Variants in PLIN4 observed in about 807,000 individuals in gnomAD.
PLIN4 encodes perilipin-4.
PLIN4 carries 57 observed loss-of-function variants against 52.4 expected under a neutral mutation model. The ratio of observed to expected loss-of-function variants is 1.09; its 90% confidence interval spans 0.88 to 1.36. The LOEUF (loss-of-function observed/expected upper bound fraction) is 1.36, where lower values mean the gene tolerates loss of function less well. PLIN4 is among the 40% of genes most tolerant of loss of function. PLIN4 has a pLI of 0.00. For synonymous variants in PLIN4, 826 were observed against 785.4 expected, an observed-to-expected ratio of 1.05 and a Z score of -0.86; for missense variants, 1,757 against 1,770.3, an observed-to-expected ratio of 0.99 and a Z score of 0.13.
rs1976303093 is a variant in PLIN4, at chr19:4,511,158, TCCA to T, written c.2799_2801del (p.Ser933_Gly934delinsArg). On this transcript the variant is annotated inframe_deletion, in exon 5 of 8. Coordinates refer to ENST00000301286, the MANE Select transcript of PLIN4 (RefSeq NM_001367868.2). ...TGGCCACATTTACGGCACCAGTGAC[TCCA>T]CTGCAGACGGTGTCCTTGGTACCGG... The T allele has an allele frequency of 6.2e-7, 1 of 1,606,286 alleles. No individual in the cohort carries two copies. The highest frequency in any genetic ancestry group is 8.5e-7 in the Non-Finnish European group (1 of 1,176,550).
intron 6 of PLIN4, 103 bp from the exon 7 acceptor site, chr19:4,505,050 G>A (rs1202343776): frequency 2.8e-6 from 3 of 1,083,072 alleles, no homozygotes; most frequent in Admixed American, 4.2e-5. Flanking sequence ...TCACAGTCCT[G>A]GGAGAAAGGC....
chr19:4,509,168 G>A (rs954971966), intron 5 of PLIN4, among the ~76,000 whole-genome samples: 17 of 151,416 alleles, frequency 1.1e-4, no homozygotes, highest in African/African-American at 3.9e-4. Context: ...AAAATTAGCC[G>A]GGCGTGGTGG....
In PLIN4 at chr19:4,502,373, G is replaced by A. The variant is rs919571038; in HGVS notation, c.*2086C>T. On this transcript the variant is annotated 3_prime_UTR_variant, in exon 8 of 8. Coordinates refer to ENST00000301286, the MANE Select transcript of PLIN4 (RefSeq NM_001367868.2). ...TCTGGGCCCAGCCCAACCCTGAAAGGCCAGTGGCAGGAGAGCTGGGCGGGA... is the reference window on the plus strand; with the variant it reads ...TCTGGGCCCAGCCCAACCCTGAAAGACCAGTGGCAGGAGAGCTGGGCGGGA... 4.2e-5 allele frequency: 15 copies of A among 359,310 alleles called. No homozygotes were observed. The highest frequency in any genetic ancestry group is 3.3e-4 in the African/African-American group (15 of 45,926). 22.3% of individuals were successfully genotyped at this position (359,310 alleles called of 1,614,324 possible). A position where few individuals can be genotyped will look rare whatever the true frequency, so the allele number is the denominator to read the frequency against.
At position 4,504,955 on chromosome 19, in the gene PLIN4, G is replaced by A. The variant is rs1415874685; in HGVS notation, c.3703-8C>T. On this transcript the variant is annotated splice_polypyrimidine_tract_variant and splice_region_variant and intron_variant, in intron 6 of 7. Transcript: ENST00000301286. ...CTGCTGGGCCTTTTCAATCTGGAGAGAGAGTACAGTGGGGAAATGATGGCT... is the reference window on the plus strand; with the variant it reads ...CTGCTGGGCCTTTTCAATCTGGAGAAAGAGTACAGTGGGGAAATGATGGCT... 4 of 1,596,996 alleles carry A rather than the reference G, an allele frequency of 2.5e-6. No homozygotes were observed. Among genetic ancestry groups the A allele is most frequent in the Non-Finnish European group, 3.4e-6 (4 of 1,173,542 alleles).
Position 4,508,664 on chromosome 19 carries a change from A to G in PLIN4, c.3702+104T>C, listed in dbSNP as rs1030824035. On this transcript the variant is annotated intron_variant, in intron 6 of 7. Transcript: ENST00000301286. ...CATGACCATTGGTGACGCTGACAGC[A>G]TCATCTCCTAGGTGCTCAGTCAGTA... The G allele has an allele frequency of 1.1e-5, 14 of 1,244,564 alleles. No homozygotes were observed. In the African/African-American group the frequency reaches 1.4e-4, roughly 12 times the overall value. 77.1% of individuals were successfully genotyped at this position (1,244,564 alleles called of 1,614,324 possible).
chr19:4,505,019 C>G, intron 6 of PLIN4, 72 bp from the exon 7 acceptor site: 1 of 1,377,706 alleles, frequency 7.3e-7, no homozygotes, highest in South Asian at 1.2e-5. Flanking sequence ...ACCTCCCCCT[C>G]CCCCAGGGAC....
chr19:4,508,905 C>CCTG lies in PLIN4; in HGVS notation c.3562_3564dup (p.Gln1188dup). ...TCACCTAAACGAACGAAGTAGCTCCCCTGTTCCGCCGACAGCACCTTTGGC... is the reference window on the plus strand; with the variant it reads ...TCACCTAAACGAACGAAGTAGCTCCCCTGCTGTTCCGCCGACAGCACCTTTGGC... On this transcript the variant is annotated inframe_insertion, in exon 6 of 8. Coordinates refer to ENST00000301286, the MANE Select transcript of PLIN4 (RefSeq NM_001367868.2). The CCTG allele has an allele frequency of 6.2e-7, 1 of 1,613,068 alleles. No individual in the cohort carries two copies. Among genetic ancestry groups the CCTG allele is most frequent in the Non-Finnish European group, 8.5e-7 (1 of 1,179,826 alleles).
At position 4,518,127 on chromosome 19, in the gene PLIN4, C is replaced by T. The variant is rs924447055; in HGVS notation, c.51+95G>A. On this transcript the variant is annotated intron_variant, in intron 2 of 7. Coordinates refer to ENST00000301286, the MANE Select transcript of PLIN4 (RefSeq NM_001367868.2). ...ACCAGCCCACCAGGGAAGCACCTCT[C>T]CAGATTCGAGACCCCAGGACTGTGG... 1.3e-5 allele frequency: 14 copies of T among 1,079,086 alleles called. No individual in the cohort carries two copies. In the African/African-American group the frequency reaches 2.1e-4, roughly 16 times the overall value. 66.8% of individuals were successfully genotyped at this position (1,079,086 alleles called of 1,614,324 possible). A position where few individuals can be genotyped will look rare whatever the true frequency, so the allele number is the denominator to read the frequency against.
chr19:4,502,313 C>G lies in PLIN4; in HGVS notation c.*2146G>C. ...TGGGCCCGTTTGGGACTGGGTTGAG[C>G]CATCAGGCCACCGTGAGAAGCGACT... is the stretch of plus-strand genomic sequence containing the variant. On this transcript the variant is annotated 3_prime_UTR_variant, in exon 8 of 8. Coordinates refer to ENST00000301286, the MANE Select transcript of PLIN4 (RefSeq NM_001367868.2). The G allele has an allele frequency of 6.6e-6, 3 of 452,122 alleles. No individual in the cohort carries two copies. The highest frequency in any genetic ancestry group is 1.2e-5 in the Non-Finnish European group (3 of 247,240). 28.0% of individuals were successfully genotyped at this position (452,122 alleles called of 1,614,324 possible).
intron 6 of PLIN4, among the ~76,000 whole-genome samples, chr19:4,505,332 C>A (rs752806378): frequency 1.2e-4 from 18 of 152,214 alleles, no homozygotes; most frequent in African/African-American, 1.7e-4. Context: ...ACACTGGCTC[C>A]ATTCTGCCCT....
chr19:4,506,216 G>T (rs879592069), intron 6 of PLIN4, among the ~76,000 whole-genome samples: 2 of 152,134 alleles, frequency 1.3e-5, no homozygotes, highest in Non-Finnish European at 2.9e-5. Flanking sequence ...GCCCAGGTCC[G>T]GCCCAACCTG....
In PLIN4 at chr19:4,504,336, C is replaced by T; in HGVS notation, c.*123G>A. The T allele has an allele frequency of 3.0e-6, 3 of 1,011,836 alleles. No individual in the cohort carries two copies. The highest frequency in any genetic ancestry group is 1.9e-5 in the South Asian group (1 of 51,688). 62.7% of individuals were successfully genotyped at this position (1,011,836 alleles called of 1,614,324 possible). On this transcript the variant is annotated 3_prime_UTR_variant, in exon 8 of 8. Coordinates refer to ENST00000301286, the MANE Select transcript of PLIN4 (RefSeq NM_001367868.2). The stretch of plus-strand genomic sequence containing the variant: ...CAGCCCCTCGGCGCTCAGCCAGCTG[C>T]AGCCCCAAAGGTCTAGGGCTTTAGG...
At chr19:4,509,885 G>A (rs1301546723) in intron 5 of PLIN4, among the ~76,000 whole-genome samples, 1 of 151,976 alleles carries the variant, frequency 6.6e-6, no homozygotes, top group Non-Finnish European at 1.5e-5. Context: ...CTGCACTCCA[G>A]TGTGGGTGAC....
Position 4,513,656 on chromosome 19 carries a change from C to T in PLIN4, c.304G>A (p.Ala102Thr). Residue 102 changes from alanine (A) to threonine (T), a missense_variant, in exon 5 of 8, where the codon GCC becomes ACC. Coordinates refer to ENST00000301286, the MANE Select transcript of PLIN4 (RefSeq NM_001367868.2). ...KDLVCSKMSRAKDAVSSGVAS... is the reference protein window; with the variant it reads ...KDLVCSKMSRTKDAVSSGVAS... ...ACCCCGGAGGACACGGCATCCTTGG[C>T]CCTGGACATCTTGGAACACACCAGG... 1 of 1,604,078 alleles carries T rather than the reference C, an allele frequency of 6.2e-7. No homozygotes were observed. Among genetic ancestry groups the T allele is most frequent in the Non-Finnish European group, 8.5e-7 (1 of 1,175,188 alleles).
intron 6 of PLIN4, among the ~76,000 whole-genome samples, chr19:4,506,363 A>G (rs1407970513): frequency 2.0e-5 from 3 of 151,890 alleles, no homozygotes; most frequent in Non-Finnish European, 2.9e-5. Context: ...ATTCTGACGC[A>G]CTCCCTCTCT....
Position 4,510,684 on chromosome 19 carries a change from G to C in PLIN4, c.3276C>G (p.Ile1092Met). 1 of 1,521,008 alleles carries C rather than the reference G, an allele frequency of 6.6e-7. No homozygotes were observed. Among genetic ancestry groups the C allele is most frequent in the African/African-American group, 1.4e-5 (1 of 72,054 alleles). The allele number at this position is 1,521,008 out of a possible 1,614,324, so 94.2% of individuals were successfully genotyped here. A position where few individuals can be genotyped will look rare whatever the true frequency, so the allele number is the denominator to read the frequency against. Residue 1092 changes from isoleucine (I) to methionine (M), a missense_variant, in exon 5 of 8, where the codon ATC (isoleucine) becomes ATG (methionine). Physicochemically the swap from Ile to Met is conservative, Grantham distance 10. Transcript: ENST00000301286. ...CACTGAGCACATCCGGGGGCGTGGA[G>C]ATGCCAGAGAACGGGGCCTCTTGGG... The part of the protein sequence containing the change: ...LSPQEAPFSG[I>M]STPPDVLSVG...
At chr19:4,509,081 G>C (rs1976195931) in intron 5 of PLIN4, 126 bp from the exon 6 acceptor site, 2 of 862,560 alleles carry the variant, frequency 2.3e-6, no homozygotes, top group Non-Finnish European at 3.5e-6. Context: ...AGGCCGAGGC[G>C]GGCAGATCAC....
At chr19:4,515,261 G>A (rs1976555292) in intron 4 of PLIN4, among the ~76,000 whole-genome samples, 3 of 151,744 alleles carry the variant, frequency 2.0e-5, no homozygotes, top group African/African-American at 7.3e-5. Context: ...CCTGTGAGGT[G>A]CTACTTTTTT....
chr19:4,512,629 A>T lies in PLIN4; in HGVS notation c.1331T>A (p.Met444Lys). The T allele has an allele frequency of 6.3e-7, 1 of 1,590,988 alleles. No homozygotes were observed. The highest frequency in any genetic ancestry group is 1.5e-5 in the African/African-American group (1 of 68,620). The change falls in exon 5 of 8, where the codon ATG becomes AAG. Residue 444 changes from methionine to lysine, a missense_variant. Physicochemically the swap from Met to Lys is moderately conservative, Grantham distance 95 (BLOSUM62 -1). Transcript: ENST00000301286. ...DTVCSGVTGAMNLARGTIQTG... is the reference protein window; with the variant it reads ...DTVCSGVTGAKNLARGTIQTG... ...CTGGATGGTTCCTCTGGCCAAATTC[A>T]TGGCACCAGTCACCCCACTGCAGAC...
Sources: allele counts gnomAD v4.1 joint callset (sites outside exome capture counted in the v4.1 genomes callset), GRCh38; gene constraint gnomAD v4.1.1; transcripts MANE v1.5; gene names NCBI Gene and HGNC (gene_info 2026-07-23, HGNC 2026-07-21).